SLCO1B3: variants seen among roughly 807,000 people sequenced by gnomAD.
The protein encoded by SLCO1B3 is liver-specific organic anion transporter 2.
A neutral mutation model predicts 71.8 loss-of-function variants in SLCO1B3; 72 were observed. That is an observed-to-expected ratio of 1.00 (90% CI 0.83 to 1.22). The LOEUF is 1.22. Among genes scored for constraint, SLCO1B3 ranks in the 50% most tolerant of loss-of-function variants. The probability of loss-of-function intolerance (pLI) is 0.00; values close to 1 mark genes in which losing one functional copy is unlikely to be tolerated. For synonymous variants in SLCO1B3, 298 were observed against 278.4 expected (o/e 1.07, Z -0.70); for missense variants, 911 against 819.7 (o/e 1.11, Z -1.36).
rs577146322 is a variant in SLCO1B3 at position 20,890,864 on chromosome 12, G to A, written c.1682+7262G>A. 9.2e-5 allele frequency among the ~76,000 whole-genome samples: 14 copies of A among 152,152 alleles called. No homozygotes were observed. The East Asian group carries it at 2.7e-3, about 29-fold the overall frequency. ...GATTTGGTTTGTATTTTCATAGAAT[G>A]TCTTTTTGCACCCCTTTGGTTTGAG... On this transcript the variant is annotated intron_variant, in intron 13 of 15. Transcript: ENST00000381545.
intron 14 of SLCO1B3, among the ~76,000 whole-genome samples, chr12:20,901,104 T>C (rs1165841425): frequency 6.6e-6 from 1 of 152,192 alleles, no homozygotes; most frequent in Non-Finnish European, 1.5e-5. Flanking sequence ...AGGCATATAA[T>C]ACTCTTTCTT....
intron 3 of SLCO1B3, among the ~76,000 whole-genome samples, chr12:20,821,335 G>C (rs1372870029): frequency 6.6e-6 from 1 of 152,120 alleles, no homozygotes; most frequent in Non-Finnish European, 1.5e-5. Context: ...GTTTGTACTG[G>C]GGTCAAGCGG....
intron 3 of SLCO1B3, among the ~76,000 whole-genome samples, chr12:20,835,175 T>G (rs1364886253): frequency 6.6e-6 from 1 of 152,138 alleles, no homozygotes; most frequent in Non-Finnish European, 1.5e-5. Flanking sequence ...CACCAAGTCA[T>G]GAGACTGCAC....
At chr12:20,845,687 A>G (rs948227125) in intron 3 of SLCO1B3, among the ~76,000 whole-genome samples, 1 of 152,218 alleles carries the variant, frequency 6.6e-6, no homozygotes, top group Non-Finnish European at 1.5e-5. Context: ...ACAAGAATGT[A>G]TATTCTGCAG....
intron 15 of SLCO1B3, chr12:20,901,943 G>A: frequency 2.4e-6 from 1 of 424,574 alleles, no homozygotes; most frequent in Non-Finnish European, 4.6e-6. Context: ...TAGATTATCT[G>A]GAAGAAACAA....
chr12:20,864,025 C>T (rs1164021268), intron 8 of SLCO1B3, among the ~76,000 whole-genome samples: 1 of 152,046 alleles, frequency 6.6e-6, no homozygotes, highest in Non-Finnish European at 1.5e-5. Flanking sequence ...CACTTTGTTT[C>T]CTGTATTCCC....
intron 4 of SLCO1B3, among the ~76,000 whole-genome samples, chr12:20,856,397 A>G (rs1238316290): frequency 6.6e-6 from 1 of 152,192 alleles, no homozygotes; most frequent in Admixed American, 6.5e-5. Context: ...ATAAAACTTA[A>G]AAATGGCCAT....
chr12:20,814,562 A>G (rs1405860681), intron 2 of SLCO1B3, among the ~76,000 whole-genome samples: 1 of 152,178 alleles, frequency 6.6e-6, no homozygotes, highest in Non-Finnish European at 1.5e-5. Flanking sequence ...GCTTACATTT[A>G]TATTAAAAGA....
intron 3 of SLCO1B3, among the ~76,000 whole-genome samples, chr12:20,819,481 A>T (rs2121082580): frequency 6.6e-6 from 1 of 152,260 alleles, no homozygotes; most frequent in Non-Finnish European, 1.5e-5. Context: ...AAAGAATAGT[A>T]AAGAAAGCAT....
intron 4 of SLCO1B3, among the ~76,000 whole-genome samples, chr12:20,857,293 G>A (rs1011274207): frequency 6.6e-6 from 1 of 151,920 alleles, no homozygotes; most frequent in African/African-American, 2.4e-5. Flanking sequence ...TCATATGAAA[G>A]CTTACGTCTT....
intron 9 of SLCO1B3, 72 bp from the exon 10 acceptor site, chr12:20,877,691 TCTTATATAA>T: frequency 1.8e-6 from 1 of 567,878 alleles, no homozygotes; most frequent in Non-Finnish European, 2.6e-6. Context: ...TAACTTTAAG[TCTTATATAA>T]CTTATATTTA....
chr12:20,846,298 C>T (rs1183610027), intron 3 of SLCO1B3, among the ~76,000 whole-genome samples: 2 of 152,182 alleles, frequency 1.3e-5, no homozygotes, highest in Non-Finnish European at 2.9e-5. Context: ...GAATATCTCA[C>T]ATTTTCCTGG....
At position 20,834,091 on chromosome 12, in the gene SLCO1B3, CAT is replaced by C. The variant is rs369030293; in HGVS notation, c.84+18275_84+18276del. Reference sequence around the variant, plus strand: ...ATATAAATATATATAAATATATACACATATATAATATATAAATGCATACATAG... The same window carrying C: ...ATATAAATATATATAAATATATACACATATAATATATAAATGCATACATAG... On this transcript the variant is annotated intron_variant, in intron 3 of 15. Transcript: ENST00000381545. Among the ~76,000 whole-genome samples the C allele has an allele frequency of 1.1e-3, 163 of 144,582 alleles. 4 individuals carry two copies. The South Asian group carries it at 0.034, about 30-fold the overall frequency. 94.9% of individuals were successfully genotyped at this position (144,582 alleles called of 152,430 possible).
At chr12:20,891,617 C>T (rs951721784) in intron 13 of SLCO1B3, among the ~76,000 whole-genome samples, 5 of 151,994 alleles carry the variant, frequency 3.3e-5, no homozygotes, top group Non-Finnish European at 5.9e-5. Flanking sequence ...AACAAGTTTC[C>T]CACACTTTTA....
At chr12:20,845,644 G>A (rs1565586743) in intron 3 of SLCO1B3, among the ~76,000 whole-genome samples, 1 of 152,016 alleles carries the variant, frequency 6.6e-6, no homozygotes, top group Non-Finnish European at 1.5e-5. Flanking sequence ...TGTATCATAT[G>A]ATCTATATTT....
At chr12:20,841,062 C>T (rs1864789212) in intron 3 of SLCO1B3, among the ~76,000 whole-genome samples, 1 of 152,124 alleles carries the variant, frequency 6.6e-6, no homozygotes, top group Non-Finnish European at 1.5e-5. Flanking sequence ...GAGGCTCTAG[C>T]AATTCAATTA....
At chr12:20,812,313 T>G (rs1864122757) in intron 1 of SLCO1B3, among the ~76,000 whole-genome samples, 1 of 152,128 alleles carries the variant, frequency 6.6e-6, no homozygotes, top group Admixed American at 6.6e-5. Context: ...AGGTGTGGAA[T>G]AGTTGTCTTG....
At chr12:20,856,945 A>G (rs1001461770) in intron 4 of SLCO1B3, among the ~76,000 whole-genome samples, 6 of 140,044 alleles carry the variant, frequency 4.3e-5, no homozygotes, top group African/African-American at 1.5e-4. Context: ...ACCAGTGGAC[A>G]CGAGGGATGA....
chr12:20,903,825 C>A (rs1866176637), intron 15 of SLCO1B3, among the ~76,000 whole-genome samples: 1 of 152,144 alleles, frequency 6.6e-6, no homozygotes, highest in South Asian at 2.1e-4. Flanking sequence ...ATACAGTTAC[C>A]CTTCTCAACA....
Sources: allele counts gnomAD v4.1 joint callset (sites outside exome capture counted in the v4.1 genomes callset), GRCh38; gene constraint gnomAD v4.1.1; transcripts MANE v1.5; gene names NCBI Gene and HGNC (gene_info 2026-07-23, HGNC 2026-07-21).